The following WARS2 variants were observed in gnomAD, a reference collection of about 807,000 sequenced individuals.
The protein encoded by WARS2 is tryptophanyl tRNA synthetase 2, mitochondrial, also known as tryptophan--tRNA ligase, mitochondrial.
WARS2 carries 28 observed loss-of-function variants against 36.5 expected under a neutral mutation model. The observed-to-expected ratio is 0.77, with a 90% CI of 0.57 to 1.05. The LOEUF (loss-of-function observed/expected upper bound fraction) is 1.05. WARS2 is among the 50% of genes least tolerant of loss of function. WARS2 has a pLI of 0.00. For missense variants in WARS2, 435 were observed against 456.8 expected (o/e 0.95, Z 0.44); for synonymous variants, 174 against 178.4 (o/e 0.98, Z 0.20).
intron 1 of WARS2, among the ~76,000 whole-genome samples, chr1:119,078,897 C>CAT (rs1553242313): frequency 2.0e-5 from 3 of 148,348 alleles, no homozygotes; most frequent in Non-Finnish European, 4.5e-5. Context: ...TGAAGGTGCA[C>CAT]GTGTGTGTGT....
At chr1:119,135,318 T>C (rs1012615899) in intron 1 of WARS2, among the ~76,000 whole-genome samples, 9 of 152,064 alleles carry the variant, frequency 5.9e-5, no homozygotes, top group Non-Finnish European at 1.3e-4. Context: ...GGGCGGGTAA[T>C]GGGGGAGAGG....
chr1:119,056,787 T>C (rs1167798079), intron 2 of WARS2, among the ~76,000 whole-genome samples: 1 of 152,020 alleles, frequency 6.6e-6, no homozygotes, highest in Non-Finnish European at 1.5e-5. Flanking sequence ...TTCTATATCA[T>C]TTAAATGAAA....
intron 2 of WARS2, among the ~76,000 whole-genome samples, chr1:119,069,683 AG>A (rs1398855621): frequency 6.6e-6 from 1 of 152,196 alleles, no homozygotes; most frequent in Non-Finnish European, 1.5e-5. Context: ...TCATTTTTTA[AG>A]GGATTTCTAG....
chr1:119,134,512 TCAGGTG>T (rs2101578701), intron 1 of WARS2, among the ~76,000 whole-genome samples: 1 of 152,138 alleles, frequency 6.6e-6, no homozygotes, highest in African/African-American at 2.4e-5. Context: ...CTAACAGAAC[TCAGGTG>T]ATGGGTCAGT....
chr1:119,084,855 C>A, intron 1 of WARS2: 1 of 220,456 alleles, frequency 4.5e-6, no homozygotes, highest in Non-Finnish European at 9.0e-6. Context: ...AAACTGCAGC[C>A]CTCTCAATGA....
At chr1:119,066,402 T>C (rs552437455) in intron 2 of WARS2, among the ~76,000 whole-genome samples, 18 of 140,856 alleles carry the variant, frequency 1.3e-4, no homozygotes, top group South Asian at 4.4e-4. Flanking sequence ...GGCGTGAACC[T>C]GGGAGGCAGA....
chr1:119,033,375 C>T lies in WARS2; in HGVS notation c.635-16G>A. ...TTCATGGATGCTAGGTTAAAAACAC[C>T]AACACACACATACCCAAAACAAAAA... On this transcript the variant is annotated splice_polypyrimidine_tract_variant and intron_variant, in intron 5 of 5. Coordinates refer to ENST00000235521, the MANE Select transcript of WARS2 (RefSeq NM_015836.4). The T allele has an allele frequency of 6.2e-7, 1 of 1,613,658 alleles. No individual in the cohort carries two copies. Among genetic ancestry groups the T allele is most frequent in the Non-Finnish European group, 8.5e-7 (1 of 1,179,808 alleles).
intron 1 of WARS2, among the ~76,000 whole-genome samples, chr1:119,082,980 G>C (rs1482148323): frequency 6.6e-6 from 1 of 152,172 alleles, no homozygotes; most frequent in East Asian, 1.9e-4. Context: ...TGCAATCCCA[G>C]CACTTTGGGA....
intron 1 of WARS2, among the ~76,000 whole-genome samples, chr1:119,119,427 C>T (rs1221476260): frequency 6.6e-6 from 1 of 151,992 alleles, no homozygotes; most frequent in Non-Finnish European, 1.5e-5. Flanking sequence ...ACAATTATTA[C>T]TACACCTAAG....
At chr1:119,137,259 C>G (rs1355585842) in intron 1 of WARS2, among the ~76,000 whole-genome samples, 4 of 152,130 alleles carry the variant, frequency 2.6e-5, no homozygotes, top group Non-Finnish European at 5.9e-5. Context: ...TTTTGCAACT[C>G]TGTAAATCTA....
intron 1 of WARS2, chr1:119,085,982 G>A: frequency 6.2e-7 from 1 of 1,606,506 alleles, no homozygotes; most frequent in Non-Finnish European, 8.5e-7. Flanking sequence ...CAGCGTTCAG[G>A]TATCAGTGCC....
intron 2 of WARS2, among the ~76,000 whole-genome samples, chr1:119,073,534 C>G (rs1012322557): frequency 2.6e-5 from 4 of 152,118 alleles, no homozygotes; most frequent in African/African-American, 4.8e-5. Flanking sequence ...CACAATGGAG[C>G]TGAAGTGAGG....
intron 1 of WARS2, among the ~76,000 whole-genome samples, chr1:119,115,150 G>A (rs1401286945): frequency 6.6e-6 from 1 of 152,120 alleles, no homozygotes; most frequent in African/African-American, 2.4e-5. Context: ...TTTTAAATTT[G>A]GGACTTGGGG....
In WARS2 at chr1:119,096,935, C is replaced by T. The variant is rs116132188; in HGVS notation, c.91-20328G>A. Reference sequence around the variant, plus strand: ...TAATGATAAAATACCTGGTACCACACGTGATACCATTGCTTGCCTCAACTG... The same window carrying T: ...TAATGATAAAATACCTGGTACCACATGTGATACCATTGCTTGCCTCAACTG... On this transcript the variant is annotated intron_variant, in intron 1 of 5. Coordinates refer to ENST00000235521, the MANE Select transcript of WARS2 (RefSeq NM_015836.4). Among the ~76,000 whole-genome samples, 1,293 of 152,282 alleles carry T rather than the reference C, an allele frequency of 8.5e-3. 17 individuals carry two copies. Among genetic ancestry groups the T allele is most frequent in the African/African-American group, 0.03 (1,232 of 41,552 alleles).
chr1:119,136,007 A>G (rs1656480208), intron 1 of WARS2, among the ~76,000 whole-genome samples: 1 of 152,192 alleles, frequency 6.6e-6, no homozygotes, highest in South Asian at 2.1e-4. Flanking sequence ...CCTAAGCTCA[A>G]GAAATACACC....
At chr1:119,055,963 C>T (rs373525261) in intron 2 of WARS2, among the ~76,000 whole-genome samples, 1 of 150,682 alleles carries the variant, frequency 6.6e-6, no homozygotes, top group South Asian at 2.1e-4. Context: ...TTCTTGGTTG[C>T]ATTGTGAATA....
intron 1 of WARS2, among the ~76,000 whole-genome samples, chr1:119,134,931 A>G (rs1656381286): frequency 6.6e-6 from 1 of 152,238 alleles, no homozygotes; most frequent in South Asian, 2.1e-4. Flanking sequence ...TAGGTTAGTT[A>G]CAACAGTGAC....
chr1:119,112,627 C>T (rs1029390875), intron 1 of WARS2, among the ~76,000 whole-genome samples: 2 of 152,106 alleles, frequency 1.3e-5, no homozygotes, highest in Admixed American at 1.3e-4. Context: ...ATGTCTCATT[C>T]TATTTTCTTA....
intron 1 of WARS2, among the ~76,000 whole-genome samples, chr1:119,116,447 T>G (rs936242926): frequency 6.6e-6 from 1 of 152,148 alleles, no homozygotes; most frequent in African/African-American, 2.4e-5. Context: ...TTGTGAACTT[T>G]GGCTCCAAGA....
Sources: gnomAD v4.1 joint callset for allele counts (sites outside exome capture counted in the v4.1 genomes callset) on GRCh38, gnomAD v4.1.1 for gene constraint, MANE v1.5 for transcripts, NCBI Gene and HGNC (gene_info 2026-07-23, HGNC 2026-07-21) for gene names.